RAPGEF6: variants seen among roughly 807,000 people sequenced by gnomAD.
RAPGEF6 encodes PDZ domain containing guanine nucleotide exchange factor (GEF) 2.
A neutral mutation model predicts 171.4 loss-of-function variants in RAPGEF6; 56 were observed. The ratio of observed to expected loss-of-function variants is 0.33; its 90% CI spans 0.26 to 0.41. The LOEUF (loss-of-function observed/expected upper bound fraction) is 0.41. RAPGEF6 is among the 10% of genes least tolerant of loss of function. The pLI is 1.00. For missense variants in RAPGEF6, 1,674 were observed against 1,921.4 expected (o/e 0.87, Z 2.41); for synonymous variants, 692 against 650.1 (o/e 1.06, Z -0.98).
At chr5:131,547,111 T>C (rs1230873796) in intron 6 of RAPGEF6, among the ~76,000 whole-genome samples, 3 of 152,202 alleles carry the variant, frequency 2.0e-5, no homozygotes, top group African/African-American at 7.2e-5. Context: ...TCAATGCAAT[T>C]AGGCAAATGT....
At chr5:131,578,758 G>T (rs757668224) in intron 4 of RAPGEF6, among the ~76,000 whole-genome samples, 4 of 152,070 alleles carry the variant, frequency 2.6e-5, no homozygotes, top group African/African-American at 4.8e-5. Flanking sequence ...TTCCAACTTC[G>T]CATTACTGAT....
At chr5:131,504,587 A>G in intron 11 of RAPGEF6, 39 bp downstream of exon 11, 1 of 1,526,122 alleles carries the variant, frequency 6.6e-7, no homozygotes, top group African/African-American at 1.4e-5. Context: ...TGATGATAGA[A>G]TAAAATCAGT....
chr5:131,429,220 G>C lies in RAPGEF6; in HGVS notation c.4466-4C>G. On this transcript the variant is annotated splice_polypyrimidine_tract_variant and splice_region_variant and intron_variant, in intron 26 of 27. Transcript: ENST00000509018. ...TTGGGTGAGGTGACACAGTACACTG[G>C]CATGAAAAATAAGCAATGAAAATGT... 6.5e-7 allele frequency: 1 copy of C among 1,546,262 alleles called. No homozygotes were observed. The highest frequency in any genetic ancestry group is 8.8e-7 in the Non-Finnish European group (1 of 1,142,222).
At chr5:131,616,701 C>T (rs963157704) in intron 1 of RAPGEF6, among the ~76,000 whole-genome samples, 3 of 152,146 alleles carry the variant, frequency 2.0e-5, no homozygotes, top group African/African-American at 4.8e-5. Context: ...GGCACAATCA[C>T]GACTCACTGC....
At chr5:131,471,384 TTTTTA>T (rs1453776894) in intron 17 of RAPGEF6, among the ~76,000 whole-genome samples, 9 of 152,172 alleles carry the variant, frequency 5.9e-5, no homozygotes, top group African/African-American at 2.2e-4. Context: ...TGTCCTGAGG[TTTTTA>T]TTTAAGTTGC....
chr5:131,535,749 C>G (rs1409684566), intron 6 of RAPGEF6, among the ~76,000 whole-genome samples: 2 of 151,944 alleles, frequency 1.3e-5, no homozygotes, highest in Non-Finnish European at 2.9e-5. Context: ...TATTTATAAA[C>G]AAAAATACAA....
intron 1 of RAPGEF6, among the ~76,000 whole-genome samples, chr5:131,629,099 G>T (rs1766128372): frequency 6.6e-6 from 1 of 152,258 alleles, no homozygotes; most frequent in African/African-American, 2.4e-5. Flanking sequence ...TAAAGCTACA[G>T]CTGACATAGA....
At chr5:131,569,419 T>C (rs1762137763) in intron 4 of RAPGEF6, among the ~76,000 whole-genome samples, 1 of 152,174 alleles carries the variant, frequency 6.6e-6, no homozygotes, top group Non-Finnish European at 1.5e-5. Flanking sequence ...CACATATTTA[T>C]GGTTAACTGA....
chr5:131,541,018 C>T (rs1013971751), intron 6 of RAPGEF6, among the ~76,000 whole-genome samples: 3 of 152,126 alleles, frequency 2.0e-5, no homozygotes, highest in Admixed American at 1.3e-4. Context: ...AAATGTTTAC[C>T]GTTATATGCT....
At chr5:131,539,417 T>C (rs183289072) in intron 6 of RAPGEF6, among the ~76,000 whole-genome samples, 2 of 152,330 alleles carry the variant, frequency 1.3e-5, no homozygotes, top group East Asian at 3.9e-4. Flanking sequence ...ACACCTCCTT[T>C]AGTTTGACTT....
At chr5:131,510,287 C>A (rs1435932676) in intron 8 of RAPGEF6, 27 bp downstream of exon 8, 2 of 1,577,586 alleles carry the variant, frequency 1.3e-6, no homozygotes, top group Non-Finnish European at 1.7e-6. Flanking sequence ...GTTACAAATT[C>A]TTATTGTGAA....
intron 4 of RAPGEF6, among the ~76,000 whole-genome samples, chr5:131,565,598 C>T (rs1561567098): frequency 6.6e-6 from 1 of 152,076 alleles, no homozygotes; most frequent in Non-Finnish European, 1.5e-5. Context: ...GATTCTGGCA[C>T]ACTATTAAAG....
chr5:131,521,560 G>A (rs1023002130), intron 6 of RAPGEF6, 39 bp from the exon 7 acceptor site: 8 of 1,568,676 alleles, frequency 5.1e-6, no homozygotes, highest in South Asian at 1.2e-5. Flanking sequence ...TAAATGTCAA[G>A]CTTTACCTTT....
intron 4 of RAPGEF6, among the ~76,000 whole-genome samples, chr5:131,570,008 C>T (rs1310677988): frequency 7.8e-6 from 1 of 128,062 alleles, no homozygotes; most frequent in African/African-American, 2.9e-5. Context: ...CACCACTGTA[C>T]TCCAACCTGC....
At chr5:131,555,152 A>G (rs1761152426) in intron 5 of RAPGEF6, among the ~76,000 whole-genome samples, 1 of 152,146 alleles carries the variant, frequency 6.6e-6, no homozygotes, top group Admixed American at 6.5e-5. Flanking sequence ...AATTTTAAAT[A>G]TTTCTCTGCT....
In RAPGEF6 at chr5:131,552,681, G is replaced by A. The variant is rs919899032; in HGVS notation, c.352-4491C>T. 2.6e-5 allele frequency among the ~76,000 whole-genome samples: 4 copies of A among 151,788 alleles called. No homozygotes were observed. The East Asian group carries it at 5.8e-4, about 22-fold the overall frequency. On this transcript the variant is annotated intron_variant, in intron 5 of 27. Coordinates refer to ENST00000509018, the MANE Select transcript of RAPGEF6 (RefSeq NM_016340.6). Reference sequence around the variant, plus strand: ...TCACCATGTTGGCCAGGCTGATCTCGAACTCCTGATCTCAGGTGATCCACC... The same window carrying A: ...TCACCATGTTGGCCAGGCTGATCTCAAACTCCTGATCTCAGGTGATCCACC...
At chr5:131,624,948 C>T (rs972289334) in intron 1 of RAPGEF6, among the ~76,000 whole-genome samples, 1 of 151,896 alleles carries the variant, frequency 6.6e-6, no homozygotes. Context: ...CAAGGAGAAA[C>T]CCCGTCTCTA....
chr5:131,568,567 C>G (rs1762089761), intron 4 of RAPGEF6, among the ~76,000 whole-genome samples: 1 of 152,150 alleles, frequency 6.6e-6, no homozygotes, highest in Non-Finnish European at 1.5e-5. Context: ...GATCCTCTGG[C>G]CTTGGCCTCT....
chr5:131,509,318 C>T (rs762294195), intron 8 of RAPGEF6, among the ~76,000 whole-genome samples: 14 of 151,894 alleles, frequency 9.2e-5, no homozygotes, highest in Non-Finnish European at 1.5e-4. Context: ...CCGAGGTGGG[C>T]GGATCACAAG....
Sources: gnomAD v4.1 joint callset for allele counts (sites outside exome capture counted in the v4.1 genomes callset) on GRCh38, gnomAD v4.1.1 for gene constraint, MANE v1.5 for transcripts, NCBI Gene and HGNC (gene_info 2026-07-23, HGNC 2026-07-21) for gene names.